GALNT17: variants seen among roughly 807,000 people sequenced by gnomAD.
GALNT17 encodes the protein UDP-GalNAc:polypeptide N-acetylgalactosaminyltransferase-like 3.
Under a neutral mutation model 63.7 loss-of-function variants are expected in GALNT17, and 29 were observed. The observed-to-expected ratio is 0.46, with a 90% CI of 0.34 to 0.62. GALNT17 has a LOEUF of 0.62. GALNT17 is among the 20% of genes least tolerant of loss of function. The probability of loss-of-function intolerance (pLI) is 0.01; values close to 1 mark genes in which losing one functional copy is unlikely to be tolerated. For synonymous variants in GALNT17, 305 were observed against 318.3 expected (o/e 0.96, Z 0.45); for missense variants, 603 against 799.6 (o/e 0.75, Z 2.97).
chr7:71,697,516 T>C (rs1264480728), intron 9 of GALNT17, among the ~76,000 whole-genome samples: 1 of 152,122 alleles, frequency 6.6e-6, no homozygotes, highest in African/African-American at 2.4e-5. Flanking sequence ...GCTAATTGTC[T>C]GTTGGCTCCA....
chr7:71,141,135 G>A (rs1409631088), intron 1 of GALNT17, among the ~76,000 whole-genome samples: 3 of 152,126 alleles, frequency 2.0e-5, no homozygotes, highest in Non-Finnish European at 4.4e-5. Flanking sequence ...TTGGGAGGCC[G>A]GGGCAGGTGG....
intron 1 of GALNT17, among the ~76,000 whole-genome samples, chr7:71,277,411 A>C (rs1790701877): frequency 6.6e-6 from 1 of 152,208 alleles, no homozygotes; most frequent in Admixed American, 6.5e-5. Flanking sequence ...TTGGGTGATG[A>C]GTTGATGAGA....
chr7:71,490,038 A>T (rs952219943), intron 5 of GALNT17, among the ~76,000 whole-genome samples: 4 of 151,908 alleles, frequency 2.6e-5, no homozygotes, highest in African/African-American at 9.7e-5. Context: ...CGGGCAGATC[A>T]CGAGGTCAGG....
intron 9 of GALNT17, among the ~76,000 whole-genome samples, chr7:71,707,158 TA>T (rs1207471595): frequency 8.1e-6 from 1 of 123,150 alleles, no homozygotes; most frequent in East Asian, 1.9e-4. Flanking sequence ...TGATGCAGAG[TA>T]TTTTTTTTTA....
intron 6 of GALNT17, among the ~76,000 whole-genome samples, chr7:71,653,310 G>A (rs940545604): frequency 6.6e-6 from 1 of 151,248 alleles, no homozygotes; most frequent in Middle Eastern, 3.5e-3. Flanking sequence ...CAACGCACCC[G>A]GCCCTAGGTA....
chr7:71,171,230 A>C (rs1463936612), intron 1 of GALNT17, among the ~76,000 whole-genome samples: 2 of 152,142 alleles, frequency 1.3e-5, no homozygotes, highest in Admixed American at 1.3e-4. Flanking sequence ...TAAAACGTAA[A>C]ATGCTTGGGC....
intron 1 of GALNT17, among the ~76,000 whole-genome samples, chr7:71,138,282 G>A: frequency 6.6e-6 from 1 of 151,956 alleles, no homozygotes; most frequent in East Asian, 1.9e-4. Context: ...AGGCTACAGT[G>A]AGCTATGGTT....
intron 1 of GALNT17, among the ~76,000 whole-genome samples, chr7:71,286,336 C>G (rs1428122743): frequency 1.3e-5 from 2 of 152,122 alleles, no homozygotes; most frequent in African/African-American, 2.4e-5. Flanking sequence ...TCTATTAGAC[C>G]TTTTACATTT....
At chr7:71,199,145 C>T (rs941429956) in intron 1 of GALNT17, among the ~76,000 whole-genome samples, 6 of 152,288 alleles carry the variant, frequency 3.9e-5, no homozygotes, top group South Asian at 4.1e-4. Context: ...CACTTCACTG[C>T]GCTGCATGTC....
chr7:71,560,187 C>T (rs977356975), intron 5 of GALNT17, among the ~76,000 whole-genome samples: 2 of 83,360 alleles, frequency 2.4e-5, no homozygotes, highest in Non-Finnish European at 4.8e-5. Context: ...GAGTGAGACT[C>T]CATCTCAAAA....
At chr7:71,205,469 A>G (rs1033408966) in intron 1 of GALNT17, among the ~76,000 whole-genome samples, 1 of 152,034 alleles carries the variant, frequency 6.6e-6, no homozygotes, top group African/African-American at 2.4e-5. Flanking sequence ...ACTTTTTTCA[A>G]GAGACAGGTC....
At chr7:71,309,035 C>T (rs750266117) in intron 1 of GALNT17, among the ~76,000 whole-genome samples, 15 of 152,076 alleles carry the variant, frequency 9.9e-5, no homozygotes, top group African/African-American at 2.2e-4. Flanking sequence ...TGAGCCACTG[C>T]GCCCAGCTCA....
intron 6 of GALNT17, among the ~76,000 whole-genome samples, chr7:71,654,659 C>G (rs1056704885): frequency 2.0e-5 from 3 of 146,562 alleles, no homozygotes; most frequent in African/African-American, 7.3e-5. Context: ...CTTGTTGTTT[C>G]ACTGTTACGT....
intron 1 of GALNT17, among the ~76,000 whole-genome samples, chr7:71,278,965 C>T (rs1411553601): frequency 2.7e-5 from 4 of 150,920 alleles, no homozygotes; most frequent in South Asian, 2.1e-4. Context: ...CTCGCTATGT[C>T]GCCAGGCTAG....
At position 71,345,273 on chromosome 7, in the gene GALNT17, T is replaced by C. The variant is rs529520907; in HGVS notation, c.422+9540T>C. On this transcript the variant is annotated intron_variant, in intron 2 of 10. Transcript: ENST00000333538. ...GACCACAGAAATCTGTCTGTGCTTATTAAAGCCACTGCTGAGATCCCCGCA... is the reference window on the plus strand; with the variant it reads ...GACCACAGAAATCTGTCTGTGCTTACTAAAGCCACTGCTGAGATCCCCGCA... 5.3e-5 allele frequency among the ~76,000 whole-genome samples: 8 copies of C among 152,242 alleles called. No homozygotes were observed. The East Asian group carries it at 1.5e-3, about 29-fold the overall frequency.
intron 4 of GALNT17, among the ~76,000 whole-genome samples, chr7:71,416,497 G>A (rs144117369): frequency 9.2e-5 from 14 of 152,004 alleles, no homozygotes; most frequent in East Asian, 5.9e-4. Flanking sequence ...CTGTAGTCTC[G>A]GCTACTTGGG....
chr7:71,278,728 A>C (rs1449570507), intron 1 of GALNT17, among the ~76,000 whole-genome samples: 1 of 152,046 alleles, frequency 6.6e-6, no homozygotes, highest in Non-Finnish European at 1.5e-5. Context: ...TTATAAAACC[A>C]TAGATCTCAT....
intron 2 of GALNT17, among the ~76,000 whole-genome samples, chr7:71,336,245 C>G (rs1791904659): frequency 6.6e-6 from 1 of 151,862 alleles, no homozygotes; most frequent in Non-Finnish European, 1.5e-5. Flanking sequence ...GGATTTTATG[C>G]CTTTGGTCAG....
intron 5 of GALNT17, among the ~76,000 whole-genome samples, chr7:71,478,263 C>G (rs1017691266): frequency 6.6e-6 from 1 of 152,056 alleles, no homozygotes; most frequent in Non-Finnish European, 1.5e-5. Context: ...TATGATCACT[C>G]TCCTTATGTT....
Sources: allele counts gnomAD v4.1 joint callset (sites outside exome capture counted in the v4.1 genomes callset), GRCh38; gene constraint gnomAD v4.1.1; transcripts MANE v1.5; gene names NCBI Gene and HGNC (gene_info 2026-07-23, HGNC 2026-07-21).